The following SACS variants were observed in gnomAD, a reference collection of about 807,000 sequenced individuals.
SACS encodes sacsin.
SACS carries 197 observed loss-of-function variants against 348.0 expected under a neutral mutation model. The observed-to-expected ratio is 0.57, with a 90% CI of 0.50 to 0.64. SACS has a LOEUF of 0.64. Among genes scored for constraint, SACS ranks in the 30% least tolerant of loss-of-function variants. SACS has a pLI of 0.00. For missense variants in SACS, 4,999 were observed against 5,360.8 expected, an observed-to-expected ratio of 0.93 and a Z score of 2.11; for synonymous variants, 1,985 against 1,910.6, an observed-to-expected ratio of 1.04 and a Z score of -1.02.
At chr13:23,352,650 A>G (rs1036612021) in intron 9 of SACS, among the ~76,000 whole-genome samples, 1 of 152,230 alleles carries the variant, frequency 6.6e-6, no homozygotes, top group Non-Finnish European at 1.5e-5. Context: ...ATTAAAAAAA[A>G]AGGAGTTCCA....
intron 2 of SACS, among the ~76,000 whole-genome samples, chr13:23,385,115 C>T (rs185007897): frequency 6.7e-6 from 1 of 150,358 alleles, no homozygotes; most frequent in African/African-American, 2.4e-5. Flanking sequence ...CAAATACAGC[C>T]TGGGCGACAG....
intron 2 of SACS, among the ~76,000 whole-genome samples, chr13:23,403,127 G>A (rs369247264): frequency 3.5e-4 from 45 of 127,078 alleles, no homozygotes; most frequent in African/African-American, 1.1e-3. Context: ...GCAGTGAGCC[G>A]AGACTACACC....
chr13:23,353,806 T>G lies in SACS; in HGVS notation c.2164A>C (p.Lys722Gln), dbSNP rs1233277703. ...ATACCTCGGGTTTGGGCAGCTTCCT[T>G]TAAAGCAGCCACAAGGTGAGGTTTC... ...NLKPHLVAALKEAAQTRGRPC... is the reference protein window; with the variant it reads ...NLKPHLVAALQEAAQTRGRPC... The change falls in exon 9 of 10, where the codon AAG becomes CAG. Residue 722 changes from lysine to glutamine, a missense_variant. Physicochemically the swap from Lys to Gln is moderately conservative, Grantham distance 53. Coordinates refer to ENST00000382292, the MANE Select transcript of SACS (RefSeq NM_014363.6). 1 of 1,605,756 alleles carries G rather than the reference T, an allele frequency of 6.2e-7. No individual in the cohort carries two copies. Among genetic ancestry groups the G allele is most frequent in the Admixed American group, 1.7e-5 (1 of 59,998 alleles).
intron 1 of SACS, among the ~76,000 whole-genome samples, chr13:23,426,639 CAAAA>C (rs34125695): frequency 1.4e-4 from 16 of 113,066 alleles, no homozygotes; most frequent in Non-Finnish European, 9.3e-5. Flanking sequence ...GACTCCGTCT[CAAAA>C]AAAAAAAAAA....
rs1566069183 is a variant in SACS, at chr13:23,339,566, G to A, written c.4310C>T (p.Pro1437Leu). Reference sequence around the variant, plus strand: ...ATTTATCAGTCTTGTACTAAGGCATGGAACTTTTAGCCATTCTGCAGTTTT... The same window carrying A: ...ATTTATCAGTCTTGTACTAAGGCATAGAACTTTTAGCCATTCTGCAGTTTT... ...PMKTAEWLKV[P>L]CLSTRLINPE... The change falls in exon 10 of 10, where the codon CCA becomes CTA. Residue 1437 changes from proline to leucine, a missense_variant. By Grantham distance (98) the Pro-to-Leu change is moderately conservative (BLOSUM62 -3). Transcript: ENST00000382292. The A allele has an allele frequency of 6.2e-7, 1 of 1,612,868 alleles. No homozygotes were observed. Among genetic ancestry groups the A allele is most frequent in the Non-Finnish European group, 8.5e-7 (1 of 1,178,970 alleles).
chr13:23,387,673 G>A (rs1479663651), intron 2 of SACS, among the ~76,000 whole-genome samples: 1 of 151,994 alleles, frequency 6.6e-6, no homozygotes. Context: ...GTGTAGGGTG[G>A]TGGTTTGAGT....
rs1279101869 is a variant in SACS at position 23,339,509 on chromosome 13, T to C, written c.4367A>G (p.Gln1456Arg). Residue 1456 changes from glutamine (Q) to arginine (R), a missense_variant, in exon 10 of 10, where the codon CAA becomes CGA. Physicochemically the swap from Gln to Arg is conservative, Grantham distance 43. Around this residue, in one of 6 missense-constraint regions of SACS, gnomAD observed 3,156 missense variants for 3,380.1 expected, o/e 0.93. Transcript: ENST00000382292. ...AATTCTTACAGTAAGTGGCTCTCTT[T>C]GTCCTGACTGCTCAAATCCCATGTT... ...PENMGFEQSG[Q>R]REPLTVRIKN... 1 of 1,612,430 alleles carries C rather than the reference T, an allele frequency of 6.2e-7. No individual in the cohort carries two copies. The highest frequency in any genetic ancestry group is 1.1e-5 in the South Asian group (1 of 90,844).
chr13:23,352,102 A>G (rs551211075), intron 9 of SACS, among the ~76,000 whole-genome samples: 1 of 152,208 alleles, frequency 6.6e-6, no homozygotes, highest in Admixed American at 6.5e-5. Context: ...CTGAGCAAAA[A>G]CAGAATGCTC....
intron 2 of SACS, among the ~76,000 whole-genome samples, chr13:23,379,981 G>A (rs1414683900): frequency 6.6e-6 from 1 of 151,952 alleles, no homozygotes; most frequent in Non-Finnish European, 1.5e-5. Flanking sequence ...TTATCCCCAA[G>A]CACATTCCAG....
intron 1 of SACS, among the ~76,000 whole-genome samples, chr13:23,422,440 A>T (rs1180537761): frequency 6.6e-6 from 1 of 152,218 alleles, no homozygotes; most frequent in African/African-American, 2.4e-5. Context: ...TTCATCCTTA[A>T]TAACTAAAAA....
At chr13:23,371,217 G>T in intron 3 of SACS, 52 bp from the exon 4 acceptor site, 1 of 1,084,876 alleles carries the variant, frequency 9.2e-7, no homozygotes, top group Non-Finnish European at 1.3e-6. Flanking sequence ...CTCTAATACT[G>T]TAAATTCAAG....
At chr13:23,347,946 C>A (rs1300425009) in intron 9 of SACS, among the ~76,000 whole-genome samples, 2 of 152,176 alleles carry the variant, frequency 1.3e-5, no homozygotes, top group Non-Finnish European at 2.9e-5. Flanking sequence ...ATGGAGCCAG[C>A]TAATGAAGTG....
intron 1 of SACS, among the ~76,000 whole-genome samples, chr13:23,426,448 C>G (rs1388862646): frequency 6.6e-6 from 1 of 152,140 alleles, no homozygotes; most frequent in Admixed American, 6.5e-5. Flanking sequence ...CAAGACCAGC[C>G]TGGCCAACAT....
At position 23,334,712 on chromosome 13, in the gene SACS, A is replaced by AC. The variant is rs1566061702; in HGVS notation, c.9163dup (p.Val3055GlyfsTer3). ...TAAAAGGAGATGTTTCAGCCTATAG[A>AC]CATTCTCTGCTACTGTTTTGCGTGT... On this transcript the variant is annotated frameshift_variant, in exon 10 of 10. Transcript: ENST00000382292. LOFTEE classifies it high-confidence loss of function. 6.2e-7 allele frequency: 1 copy of AC among 1,613,788 alleles called. No individual in the cohort carries two copies. Among genetic ancestry groups the AC allele is most frequent in the Admixed American group, 1.7e-5 (1 of 59,986 alleles).
At chr13:23,395,582 C>CA (rs57956174) in intron 2 of SACS, among the ~76,000 whole-genome samples, 4,577 of 152,218 alleles carry the variant, frequency 0.03, 216 homozygotes, top group African/African-American at 0.1. Flanking sequence ...TCAAGCCTCC[C>CA]ACCTCCCTAC....
chr13:23,352,164 G>A (rs1386542504), intron 9 of SACS, among the ~76,000 whole-genome samples: 4 of 152,114 alleles, frequency 2.6e-5, no homozygotes, highest in African/African-American at 7.2e-5. Context: ...ACTTTTGGCC[G>A]ATTTCCAAAT....
At chr13:23,385,426 C>T (rs995668591) in intron 2 of SACS, among the ~76,000 whole-genome samples, 5 of 149,908 alleles carry the variant, frequency 3.3e-5, no homozygotes, top group African/African-American at 9.8e-5. Flanking sequence ...AGGGTGTGAT[C>T]CTGGCTCACT....
Position 23,339,095 on chromosome 13 carries a change from T to C in SACS, c.4781A>G (p.Asp1594Gly). 6.2e-7 allele frequency: 1 copy of C among 1,611,636 alleles called. No homozygotes were observed. Among genetic ancestry groups the C allele is most frequent in the African/African-American group, 1.3e-5 (1 of 74,958 alleles). Residue 1594 changes from aspartate (D) to glycine (G), a missense_variant, in exon 10 of 10, where the codon GAC becomes GGC. This residue lies in a region of SACS where 3,156 missense variants were observed against 3,380.1 expected (regional missense o/e 0.93). Coordinates refer to ENST00000382292, the MANE Select transcript of SACS (RefSeq NM_014363.6). ...NINHISKHIK[D>G]KSNPGIKINW... ...AATTTTGATCCCAGGATTGGATTTG[T>C]CTTTAATGTGTTTACTGATATGATT...
At position 23,330,302 on chromosome 13, in the gene SACS, G is replaced by C. The variant is rs750412600; in HGVS notation, c.13574C>G (p.Thr4525Arg). 4 of 1,614,082 alleles carry C rather than the reference G, an allele frequency of 2.5e-6. No homozygotes were observed. Among genetic ancestry groups the C allele is most frequent in the African/African-American group, 2.7e-5 (2 of 74,944 alleles). Residue 4525 changes from threonine to arginine, a missense_variant, in exon 10 of 10, where the codon ACA becomes AGA. By Grantham distance (71) the Thr-to-Arg change is moderately conservative. This residue lies in a region of SACS where 254 missense variants were observed against 275.1 expected (regional missense o/e 0.92). Coordinates refer to ENST00000382292, the MANE Select transcript of SACS (RefSeq NM_014363.6). ...QLEGLTNDVH[T>R]LEAYGVDSLK... is the part of the protein sequence containing the mutation. ...ACTGTCTACACCATAAGCTTCCAATGTGTGAACATCATTTGTCAGTCCTTC... is the reference window on the plus strand; with the variant it reads ...ACTGTCTACACCATAAGCTTCCAATCTGTGAACATCATTTGTCAGTCCTTC...
Sources: allele counts gnomAD v4.1 joint callset (sites outside exome capture counted in the v4.1 genomes callset), GRCh38; gene constraint gnomAD v4.1.1; regional missense constraint gnomAD v4.1.1; transcripts MANE v1.5; gene names NCBI Gene and HGNC (gene_info 2026-07-23, HGNC 2026-07-21).